Variants in DCAKD observed in about 807,000 individuals in gnomAD.
DCAKD encodes the protein dephospho-CoA kinase domain-containing protein.
DCAKD carries 15 observed loss-of-function variants against 18.7 expected under a neutral mutation model. The ratio of observed to expected loss-of-function variants is 0.80; its 90% confidence interval spans 0.54 to 1.24. The LOEUF (loss-of-function observed/expected upper bound fraction) is 1.24, where lower values mean the gene tolerates loss of function less well. DCAKD is among the 50% of genes most tolerant of loss of function. DCAKD has a pLI of 0.00. For synonymous variants in DCAKD, 130 were observed against 133.0 expected, an observed-to-expected ratio of 0.98 and a Z score of 0.16; for missense variants, 301 against 322.0, an observed-to-expected ratio of 0.93 and a Z score of 0.50.
rs199651878 is a variant in DCAKD, at chr17:45,034,863, CCT to C, written c.21_22del (p.Gly9HisfsTer21). 5.8e-3 allele frequency: 9,367 copies of C among 1,614,172 alleles called. 40 individuals carry two copies. The highest frequency in any genetic ancestry group is 7.9e-3 in the Admixed American group (474 of 60,030). Reference sequence around the variant, plus strand: ...TGAGCTCTTGCCTGAGGCAATGCCCCCTGTCAGGCCCACCAGAAACATCTTCC... The same window carrying C: ...TGAGCTCTTGCCTGAGGCAATGCCCCGTCAGGCCCACCAGAAACATCTTCC... On this transcript the variant is annotated frameshift_variant, in exon 2 of 5. Transcript: ENST00000651974. LOFTEE classifies it high-confidence loss of function.
At chr17:45,030,607 C>T (rs907140784) in intron 3 of DCAKD, among the ~76,000 whole-genome samples, 8 of 152,214 alleles carry the variant, frequency 5.3e-5, no homozygotes, top group Admixed American at 4.6e-4. Flanking sequence ...GATCTTAAAT[C>T]TCAAGTTGTT....
At chr17:45,042,103 A>C (rs1049305687) in intron 1 of DCAKD, among the ~76,000 whole-genome samples, 19 of 151,926 alleles carry the variant, frequency 1.3e-4, no homozygotes, top group Non-Finnish European at 1.8e-4. Flanking sequence ...GTGCAGAATA[A>C]GACCTGACTT....
At chr17:45,047,554 G>A (rs2053598513) in intron 1 of DCAKD, among the ~76,000 whole-genome samples, 1 of 142,026 alleles carries the variant, frequency 7.0e-6, no homozygotes. Flanking sequence ...TGCCCAGGCT[G>A]GAATGCAGTG....
chr17:45,032,893 C>A (rs2053202080), intron 3 of DCAKD, among the ~76,000 whole-genome samples: 1 of 152,158 alleles, frequency 6.6e-6, no homozygotes, highest in Non-Finnish European at 1.5e-5. Flanking sequence ...AGGCTGGAGG[C>A]CACATGTGCC....
At chr17:45,052,531 C>T (rs957003284), upstream of DCAKD, among the ~76,000 whole-genome samples, 1 of 152,136 alleles carries the variant, frequency 6.6e-6, no homozygotes, top group Non-Finnish European at 1.5e-5. Flanking sequence ...CATCCTGTCT[C>T]CTCTCAAAGT....
intron 3 of DCAKD, among the ~76,000 whole-genome samples, chr17:45,032,952 G>C (rs926148415): frequency 6.6e-6 from 1 of 152,202 alleles, no homozygotes; most frequent in African/African-American, 2.4e-5. Context: ...CCTCTTGCCA[G>C]ATCCCAAGCC....
At chr17:45,035,153 G>C in intron 1 of DCAKD, 154 bp from the exon 2 acceptor site, 1 of 416,590 alleles carries the variant, frequency 2.4e-6, no homozygotes, top group South Asian at 2.5e-5. Context: ...AACCCTCCAG[G>C]AAAGGCCTCC....
At chr17:45,036,070 C>T (rs2053289938) in intron 1 of DCAKD, among the ~76,000 whole-genome samples, 1 of 152,180 alleles carries the variant, frequency 6.6e-6, no homozygotes, top group Non-Finnish European at 1.5e-5. Context: ...TGGTTTGTGG[C>T]GTCCTCAGAC....
Position 45,024,515 on chromosome 17 carries a change from A to G in DCAKD, c.614T>C (p.Leu205Pro), listed in dbSNP as rs771738388. 6.2e-7 allele frequency: 1 copy of G among 1,614,008 alleles called. No homozygotes were observed. Among genetic ancestry groups the G allele is most frequent in the African/African-American group, 1.3e-5 (1 of 74,926 alleles). ...GAGCCCTGTGAGGACCCCAAACCTC[A>G]GCGGCAGGTACTCCAGGGAGCGCTC... ...ELERSLEYLP[L>P]RFGVLTGLAA... Residue 205 changes from leucine (L) to proline (P), a missense_variant, in exon 5 of 5, where the codon CTG becomes CCG. Transcript: ENST00000651974.
Position 45,034,203 on chromosome 17 carries a change from GAA to G in DCAKD, c.298_299del (p.Phe100GlnfsTer19). ...EIRKEMMKET[F>X]KYFLRGYRYV... The stretch of plus-strand genomic sequence containing the variant: ...GGCACTTACCCCGGAGGAAGTACTT[GAA>G]CGTCTCCTTCATCATCTCCTTGCGA... On this transcript the variant is annotated frameshift_variant, in exon 3 of 5. Coordinates refer to ENST00000651974, the MANE Select transcript of DCAKD (RefSeq NM_001288655.2). LOFTEE classifies it high-confidence loss of function. 3 of 1,613,932 alleles carry G rather than the reference GAA, an allele frequency of 1.9e-6. No individual in the cohort carries two copies. Among genetic ancestry groups the G allele is most frequent in the Non-Finnish European group, 2.5e-6 (3 of 1,179,980 alleles).
At chr17:45,045,339 C>T (rs1274970002) in intron 1 of DCAKD, among the ~76,000 whole-genome samples, 1 of 152,220 alleles carries the variant, frequency 6.6e-6, no homozygotes, top group African/African-American at 2.4e-5. Flanking sequence ...CAACACATTA[C>T]TTGGCTTTGT....
intron 1 of DCAKD, among the ~76,000 whole-genome samples, chr17:45,042,136 C>T (rs2053452894): frequency 6.6e-6 from 1 of 151,914 alleles, no homozygotes; most frequent in African/African-American, 2.4e-5. Context: ...GTGACAGGCA[C>T]ATCATTGTCT....
At chr17:45,048,722 T>G (rs2053626505) in intron 1 of DCAKD, among the ~76,000 whole-genome samples, 1 of 148,478 alleles carries the variant, frequency 6.7e-6, no homozygotes, top group South Asian at 2.1e-4. Flanking sequence ...TTGAGAAGCA[T>G]TTGAACCTAG....
At chr17:45,038,685 G>C (rs1439768185) in intron 1 of DCAKD, among the ~76,000 whole-genome samples, 1 of 152,180 alleles carries the variant, frequency 6.6e-6, no homozygotes, top group East Asian at 1.9e-4. Context: ...GGAAATTCCA[G>C]CCTCCCGGGT....
chr17:45,053,169 TAAAAAA>T (rs760029893), upstream of DCAKD, among the ~76,000 whole-genome samples: 2 of 75,744 alleles, frequency 2.6e-5, no homozygotes, highest in Admixed American at 3.8e-4. Flanking sequence ...TGTCTCCAGT[TAAAAAA>T]AAAAAAAAAA....
rs761001044 is a variant in DCAKD at position 45,024,286 on chromosome 17, CGTGTGTGTGT to C, written c.*137_*146del. ...AGGCCCAGCCCTGATTCGGAGAGTC[CGTGTGTGTGT>C]GTGTGTGTGTGTGTGTGTGTGTGTG... is the stretch of plus-strand genomic sequence containing the variant. On this transcript the variant is annotated 3_prime_UTR_variant, in exon 5 of 5. Transcript: ENST00000651974. The C allele has an allele frequency of 2.3e-6, 2 of 852,180 alleles. No homozygotes were observed. The highest frequency in any genetic ancestry group is 3.3e-6 in the Non-Finnish European group (2 of 597,618). 52.8% of individuals were successfully genotyped at this position (852,180 alleles called of 1,614,324 possible).
chr17:45,025,344 G>A (rs2053032187), intron 4 of DCAKD, among the ~76,000 whole-genome samples: 1 of 152,152 alleles, frequency 6.6e-6, no homozygotes, highest in Admixed American at 6.5e-5. Context: ...ATGTGGGACA[G>A]ACAAGCCCAA....
chr17:45,056,694 C>CA (rs980538583), intron 1 of DCAKD, among the ~76,000 whole-genome samples: 6 of 152,266 alleles, frequency 3.9e-5, no homozygotes, highest in African/African-American at 1.4e-4. Flanking sequence ...AGGCTGGTCT[C>CA]AAACTCCTGA....
chr17:45,031,402 C>A, intron 3 of DCAKD: 1 of 974,198 alleles, frequency 1.0e-6, no homozygotes, highest in Non-Finnish European at 1.2e-6. Context: ...CTTGGGCCCC[C>A]TTTTGTGTAA....
Sources: allele counts gnomAD v4.1 joint callset (sites outside exome capture counted in the v4.1 genomes callset), GRCh38; gene constraint gnomAD v4.1.1; transcripts MANE v1.5; gene names NCBI Gene and HGNC (gene_info 2026-07-23, HGNC 2026-07-21).